Variants in OSGIN2 observed in about 807,000 individuals in gnomAD.
OSGIN2 encodes oxidative stress induced growth inhibitor family member 2, also known as oxidative stress-induced growth inhibitor 2.
OSGIN2 carries 19 observed loss-of-function variants against 53.8 expected under a neutral mutation model. The observed-to-expected ratio is 0.35, with a 90% CI of 0.25 to 0.52. The LOEUF is 0.52. OSGIN2 is among the 20% of genes least tolerant of loss of function. The pLI, the probability that OSGIN2 is intolerant of heterozygous loss-of-function variation, is 0.95. For missense variants in OSGIN2, 520 were observed against 662.7 expected, an observed-to-expected ratio of 0.78 and a Z score of 2.36; for synonymous variants, 236 against 236.0, an observed-to-expected ratio of 1.00 and a Z score of 0.00.
chr8:89,913,294 C>A (rs997667395), intron 2 of OSGIN2, among the ~76,000 whole-genome samples: 3 of 152,168 alleles, frequency 2.0e-5, no homozygotes, highest in Admixed American at 1.3e-4. Flanking sequence ...CCATGATTAG[C>A]TTTGCCTATA....
rs11989719 is a variant in OSGIN2, at chr8:89,912,090, A to G, written c.200-1987A>G. Reference sequence around the variant, plus strand: ...TTTTACTTTTCTTATATCTTTGAGTATATTTTATTTGGGGTAACATATTAG... The same window carrying G: ...TTTTACTTTTCTTATATCTTTGAGTGTATTTTATTTGGGGTAACATATTAG... On this transcript the variant is annotated intron_variant, in intron 2 of 5. Transcript: ENST00000451899. Among the ~76,000 whole-genome samples the G allele has an allele frequency of 5.3e-3, 801 of 152,070 alleles. 7 individuals carry two copies. Among genetic ancestry groups the G allele is most frequent in the African/African-American group, 0.018 (741 of 41,452 alleles).
Position 89,926,509 on chromosome 8 carries a change from G to A in OSGIN2, c.*977G>A, listed in dbSNP as rs1004096093. The A allele has an allele frequency of 1.3e-5, 2 of 152,524 alleles. No homozygotes were observed. The highest frequency in any genetic ancestry group is 4.8e-5 in the African/African-American group (2 of 41,436). 9.4% of individuals were successfully genotyped at this position (152,524 alleles called of 1,614,324 possible). On this transcript the variant is annotated 3_prime_UTR_variant, in exon 6 of 6. Coordinates refer to ENST00000451899, the MANE Select transcript of OSGIN2 (RefSeq NM_001126111.3). ...TTTGGGCATTGTCTAAATTATTAAAGGTTAAAATAGAAAATAAAGTCAGAA... is the reference window on the plus strand; with the variant it reads ...TTTGGGCATTGTCTAAATTATTAAAAGTTAAAATAGAAAATAAAGTCAGAA...
intron 2 of OSGIN2, among the ~76,000 whole-genome samples, chr8:89,913,025 A>G (rs1809002630): frequency 6.6e-6 from 1 of 152,172 alleles, no homozygotes; most frequent in South Asian, 2.1e-4. Flanking sequence ...GTCTGAAAAG[A>G]CATTTCAAAA....
intron 4 of OSGIN2, among the ~76,000 whole-genome samples, chr8:89,915,578 T>C (rs2130702974): frequency 6.6e-6 from 1 of 152,356 alleles, no homozygotes; most frequent in South Asian, 2.1e-4. Context: ...TAATTGTTCA[T>C]CCTTCCTGTG....
In OSGIN2 at chr8:89,914,109, A is replaced by G. The variant is rs1388992594; in HGVS notation, c.232A>G (p.Met78Val). The G allele has an allele frequency of 1.2e-6, 2 of 1,610,718 alleles. No individual in the cohort carries two copies. The highest frequency in any genetic ancestry group is 1.7e-6 in the Non-Finnish European group (2 of 1,177,472). The change falls in exon 3 of 6, where the codon ATG (methionine) becomes GTG (valine). Residue 78 changes from methionine (M) to valine (V), a missense_variant. Physicochemically the swap from Met to Val is conservative, Grantham distance 21 (BLOSUM62 1). This residue lies in a region of OSGIN2 where 203 missense variants were observed against 275.3 expected (regional missense o/e 0.74). Coordinates refer to ENST00000451899, the MANE Select transcript of OSGIN2 (RefSeq NM_001126111.3). ...ACCCTCAGGAATATGCCTTTCTTAT[A>G]TGTTATCAGGCTACAGACCGTATTT... ...NGPSGICLSY[M>V]LSGYRPYLSS... is the part of the protein sequence containing the mutation.
intron 4 of OSGIN2, among the ~76,000 whole-genome samples, chr8:89,915,923 T>C (rs1563471487): frequency 6.6e-6 from 1 of 152,208 alleles, no homozygotes; most frequent in Non-Finnish European, 1.5e-5. Context: ...AGCTTAAGTT[T>C]TATGATTTTT....
At chr8:89,914,532 C>T in intron 3 of OSGIN2, 23 bp from the exon 4 acceptor site, 1 of 1,590,798 alleles carries the variant, frequency 6.3e-7, no homozygotes, top group African/African-American at 1.3e-5. Context: ...TTTTCAAACT[C>T]TGTCTCCCTT....
chr8:89,921,772 A>G (rs1161843236), intron 5 of OSGIN2, among the ~76,000 whole-genome samples: 1 of 152,204 alleles, frequency 6.6e-6, no homozygotes, highest in Non-Finnish European at 1.5e-5. Flanking sequence ...ACCTGAGGTC[A>G]GGCGTTTGAG....
chr8:89,917,994 T>A (rs982344091), intron 4 of OSGIN2, among the ~76,000 whole-genome samples: 10 of 152,190 alleles, frequency 6.6e-5, no homozygotes, highest in African/African-American at 2.4e-4. Context: ...CTGATCTTTA[T>A]CCTTTGGTTT....
chr8:89,913,197 GT>G (rs1809007508), intron 2 of OSGIN2, among the ~76,000 whole-genome samples: 1 of 152,128 alleles, frequency 6.6e-6, no homozygotes, highest in African/African-American at 2.4e-5. Flanking sequence ...TCCGAACCTT[GT>G]GGCCTTTCAT....
At chr8:89,924,212 G>C (rs1392599900) in intron 5 of OSGIN2, among the ~76,000 whole-genome samples, 1 of 152,142 alleles carries the variant, frequency 6.6e-6, no homozygotes, top group Non-Finnish European at 1.5e-5. Context: ...TTCATTTAAT[G>C]AAAGTTTATC....
intron 1 of OSGIN2, among the ~76,000 whole-genome samples, chr8:89,905,957 A>ATTT: frequency 1.3e-5 from 2 of 152,222 alleles, no homozygotes; most frequent in Non-Finnish European, 2.9e-5. Context: ...CAAAAAATGA[A>ATTT]ATACATAAGA....
chr8:89,925,055 A>G lies in OSGIN2; in HGVS notation c.1173A>G (p.Lys391=). 1 of 1,613,538 alleles carries G rather than the reference A, an allele frequency of 6.2e-7. No individual in the cohort carries two copies. Among genetic ancestry groups the G allele is most frequent in the South Asian group, 1.1e-5 (1 of 91,080 alleles). Residue 391 remains lysine (K), a synonymous_variant, in exon 6 of 6, where the codon AAA becomes AAG. Transcript: ENST00000451899. ...DPSLIFKQLP[K]KLYPEYHKVY... The stretch of plus-strand genomic sequence containing the variant: ...GCTTAATTTTCAAACAGCTTCCCAA[A>G]AAGCTGTATCCTGAATATCATAAAG...
At chr8:89,909,043 TATATATA>T (rs1808910477) in intron 1 of OSGIN2, among the ~76,000 whole-genome samples, 2 of 100,834 alleles carry the variant, frequency 2.0e-5, no homozygotes, top group East Asian at 5.3e-4. Context: ...AAAAAATATA[TATATATA>T]CATATATATA....
At chr8:89,907,409 G>A (rs1808861966) in intron 1 of OSGIN2, among the ~76,000 whole-genome samples, 1 of 152,096 alleles carries the variant, frequency 6.6e-6, no homozygotes, top group African/African-American at 2.4e-5. Flanking sequence ...TTATATTTGA[G>A]TCTTTAATCC....
At chr8:89,904,269 T>C (rs578106267) in intron 1 of OSGIN2, among the ~76,000 whole-genome samples, 104 of 152,342 alleles carry the variant, frequency 6.8e-4, no homozygotes, top group African/African-American at 2.4e-3. Flanking sequence ...AACATGCCTT[T>C]CAGAAAATAT....
At chr8:89,907,280 A>AGT (rs1808858843) in intron 1 of OSGIN2, among the ~76,000 whole-genome samples, 1 of 114,426 alleles carries the variant, frequency 8.7e-6, no homozygotes, top group African/African-American at 5.6e-5. Context: ...ACCATTTGTC[A>AGT]ATTTTTTTTT....
chr8:89,914,499 T>C, intron 3 of OSGIN2, 56 bp from the exon 4 acceptor site: 1 of 1,343,840 alleles, frequency 7.4e-7, no homozygotes, highest in East Asian at 2.3e-5. Flanking sequence ...CATTAGAATA[T>C]ACTATCTGGG....
Position 89,925,557 on chromosome 8 carries a change from G to A in OSGIN2, c.*25G>A, listed in dbSNP as rs1809307715. The stretch of plus-strand genomic sequence containing the variant: ...AAGCAAGTTTACAAGTAATTAAAAT[G>A]GACAGTTTGCCATTAAAGATTTTTA... On this transcript the variant is annotated 3_prime_UTR_variant, in exon 6 of 6. Coordinates refer to ENST00000451899, the MANE Select transcript of OSGIN2 (RefSeq NM_001126111.3). 1.3e-6 allele frequency: 2 copies of A among 1,574,270 alleles called. No individual in the cohort carries two copies. The highest frequency in any genetic ancestry group is 1.7e-6 in the Non-Finnish European group (2 of 1,152,004).
Sources: allele counts gnomAD v4.1 joint callset (sites outside exome capture counted in the v4.1 genomes callset), GRCh38; gene constraint gnomAD v4.1.1; regional missense constraint gnomAD v4.1.1; transcripts MANE v1.5; gene names NCBI Gene and HGNC (gene_info 2026-07-23, HGNC 2026-07-21).